ZHX2: variants seen among roughly 807,000 people sequenced by gnomAD.
ZHX2 encodes the protein zinc fingers and homeoboxes protein 2.
Under a neutral mutation model 21.9 loss-of-function variants are expected in ZHX2, and 6 were observed. The observed-to-expected ratio is 0.27, with a 90% CI of 0.15 to 0.54. The LOEUF is 0.54. Among genes scored for constraint, ZHX2 ranks in the 20% least tolerant of loss-of-function variants. The pLI is 0.95. For synonymous variants in ZHX2, 434 were observed against 437.1 expected (o/e 0.99, Z 0.09); for missense variants, 908 against 1,090.7 (o/e 0.83, Z 2.36).
intron 2 of ZHX2, among the ~76,000 whole-genome samples, chr8:122,871,747 A>T (rs1188957270): frequency 6.7e-6 from 1 of 150,046 alleles, no homozygotes. Flanking sequence ...AAAAAAAAAA[A>T]CTATGTCTGG....
chr8:122,829,658 A>G (rs1257527661), intron 1 of ZHX2, among the ~76,000 whole-genome samples: 1 of 152,246 alleles, frequency 6.6e-6, no homozygotes, highest in Non-Finnish European at 1.5e-5. Flanking sequence ...GGAACAGGGT[A>G]GAGACCAAAT....
intron 3 of ZHX2, among the ~76,000 whole-genome samples, chr8:122,959,212 A>G (rs538654661): frequency 6.6e-6 from 1 of 152,266 alleles, no homozygotes; most frequent in Admixed American, 6.5e-5. Context: ...ATGATTAGGG[A>G]TGACTTTGGA....
intron 3 of ZHX2, 126 bp from the exon 4 acceptor site, chr8:122,973,116 G>A (rs1813767374): frequency 6.6e-6 from 1 of 152,284 alleles, no homozygotes; most frequent in African/African-American, 2.4e-5. Flanking sequence ...CCAAGCCCCA[G>A]GATGACTTTG....
At chr8:122,817,875 C>CA (rs1411540688) in intron 1 of ZHX2, among the ~76,000 whole-genome samples, 1 of 152,210 alleles carries the variant, frequency 6.6e-6, no homozygotes, top group African/African-American at 2.4e-5. Flanking sequence ...GTGGGCACCC[C>CA]ACTCCTCTAG....
chr8:122,897,370 A>G (rs1485445141), intron 2 of ZHX2, among the ~76,000 whole-genome samples: 1 of 152,236 alleles, frequency 6.6e-6, no homozygotes, highest in Non-Finnish European at 1.5e-5. Flanking sequence ...TTTGAGCACC[A>G]TAGTTTCATT....
chr8:122,794,728 C>G (rs539541712), intron 1 of ZHX2, among the ~76,000 whole-genome samples: 25 of 152,286 alleles, frequency 1.6e-4, no homozygotes, highest in Non-Finnish European at 3.1e-4. Flanking sequence ...CCTTCCACCT[C>G]TTCCACATAC....
At chr8:122,847,062 G>T (rs1586321241) in intron 1 of ZHX2, among the ~76,000 whole-genome samples, 1 of 152,170 alleles carries the variant, frequency 6.6e-6, no homozygotes, top group Non-Finnish European at 1.5e-5. Context: ...TAGAGAAACT[G>T]AGGCATGATG....
chr8:122,835,058 G>A (rs749078224), intron 1 of ZHX2, among the ~76,000 whole-genome samples: 11 of 152,194 alleles, frequency 7.2e-5, no homozygotes, highest in Non-Finnish European at 1.6e-4. Flanking sequence ...TGGGGTGAGG[G>A]TGGAAGAGAG....
chr8:122,958,841 C>T (rs7841763), intron 3 of ZHX2, among the ~76,000 whole-genome samples: 16,043 of 152,226 alleles, frequency 0.11, 1,006 homozygotes, highest in African/African-American at 0.17. Context: ...AGAGAGCCCT[C>T]TTTGTGCTAG....
rs78805530 is a variant in ZHX2 at position 122,818,380 on chromosome 8, A to T, written c.-283+36434A>T. Among the ~76,000 whole-genome samples, 730 of 152,000 alleles carry T rather than the reference A, an allele frequency of 4.8e-3. 5 individuals carry two copies. The highest frequency in any genetic ancestry group is 0.017 in the African/African-American group (707 of 41,434). Reference sequence around the variant, plus strand: ...CCCTCGTGTCTGCAAGGCGAATATGACCATGTTTCATCCCCATGTCTGTGT... The same window carrying T: ...CCCTCGTGTCTGCAAGGCGAATATGTCCATGTTTCATCCCCATGTCTGTGT... On this transcript the variant is annotated intron_variant, in intron 1 of 3. Transcript: ENST00000314393.
intron 1 of ZHX2, among the ~76,000 whole-genome samples, chr8:122,835,847 A>G (rs986820103): frequency 6.6e-6 from 1 of 152,180 alleles, no homozygotes; most frequent in Non-Finnish European, 1.5e-5. Flanking sequence ...AAAATTGTAA[A>G]GTTGAATGTT....
chr8:122,847,717 C>G (rs1033445238), intron 1 of ZHX2, among the ~76,000 whole-genome samples: 1 of 152,212 alleles, frequency 6.6e-6, no homozygotes, highest in Non-Finnish European at 1.5e-5. Flanking sequence ...AAGCTGGCGC[C>G]AGGGCCCAGG....
At chr8:122,834,714 T>C (rs1251086217) in intron 1 of ZHX2, among the ~76,000 whole-genome samples, 1 of 152,234 alleles carries the variant, frequency 6.6e-6, no homozygotes, top group Non-Finnish European at 1.5e-5. Flanking sequence ...AGGTTTAAGA[T>C]AGTGGTTCCT....
chr8:122,908,865 C>T (rs1167116279), intron 2 of ZHX2, among the ~76,000 whole-genome samples: 1 of 152,334 alleles, frequency 6.6e-6, no homozygotes, highest in South Asian at 2.1e-4. Flanking sequence ...GCTCTGAGCA[C>T]ACTTCCCAGG....
chr8:122,831,444 G>C (rs986643271), intron 1 of ZHX2, among the ~76,000 whole-genome samples: 1 of 152,206 alleles, frequency 6.6e-6, no homozygotes, highest in African/African-American at 2.4e-5. Context: ...AGGCTTTGGA[G>C]GTGAGGAAGG....
chr8:122,798,757 C>G (rs1383078831), intron 1 of ZHX2, among the ~76,000 whole-genome samples: 1 of 151,718 alleles, frequency 6.6e-6, no homozygotes, highest in African/African-American at 2.4e-5. Context: ...TGAGATGGTG[C>G]CACTGCACTC....
At chr8:122,921,373 C>T (rs764191431) in intron 2 of ZHX2, among the ~76,000 whole-genome samples, 7 of 152,098 alleles carry the variant, frequency 4.6e-5, no homozygotes, top group East Asian at 3.9e-4. Flanking sequence ...CATGACCTAC[C>T]GTGCCCGGCT....
chr8:122,942,362 G>A (rs1467515398), intron 2 of ZHX2, among the ~76,000 whole-genome samples: 1 of 152,126 alleles, frequency 6.6e-6, no homozygotes, highest in East Asian at 1.9e-4. Flanking sequence ...CATCCTTTTT[G>A]GTTTTGATGT....
At chr8:122,839,963 C>A (rs1215812331) in intron 1 of ZHX2, among the ~76,000 whole-genome samples, 1 of 152,108 alleles carries the variant, frequency 6.6e-6, no homozygotes, top group Non-Finnish European at 1.5e-5. Flanking sequence ...AATATATATT[C>A]TGGCACTTCA....
Sources: gnomAD v4.1 joint callset for allele counts (sites outside exome capture counted in the v4.1 genomes callset) on GRCh38, gnomAD v4.1.1 for gene constraint, MANE v1.5 for transcripts, NCBI Gene and HGNC (gene_info 2026-07-23, HGNC 2026-07-21) for gene names.